Variants in ESRRG observed in about 807,000 individuals in gnomAD.
The protein encoded by ESRRG is estrogen-related receptor gamma.
ESRRG carries 13 observed loss-of-function variants against 44.0 expected under a neutral mutation model. The ratio of observed to expected loss-of-function variants is 0.30; its 90% confidence interval spans 0.19 to 0.47. ESRRG has a LOEUF of 0.47. Ranked by LOEUF, ESRRG falls within the 20% of genes least tolerant of loss-of-function variation. The probability of loss-of-function intolerance (pLI) is 1.00; values close to 1 mark genes in which losing one functional copy is unlikely to be tolerated. For synonymous variants in ESRRG, 215 were observed against 214.6 expected (o/e 1.00, Z -0.02); for missense variants, 395 against 580.6 (o/e 0.68, Z 3.29).
rs371706461 is a variant in ESRRG at position 216,554,080 on chromosome 1, G to C, written c.862+10139C>G. Reference sequence around the variant, plus strand: ...GAGGTTATTTATGATGGCTGAATTGGGGAGGAAGCAGCAGGATTTTAGTGA... The same window carrying C: ...GAGGTTATTTATGATGGCTGAATTGCGGAGGAAGCAGCAGGATTTTAGTGA... On this transcript the variant is annotated intron_variant, in intron 5 of 6. Coordinates refer to ENST00000408911, the MANE Select transcript of ESRRG (RefSeq NM_001438.4). 5.3e-5 allele frequency among the ~76,000 whole-genome samples: 8 copies of C among 152,102 alleles called. No homozygotes were observed. In the East Asian group the frequency reaches 1.6e-3, roughly 29 times the overall value.
chr1:216,878,951 C>T (rs1455892461), intron 2 of ESRRG, among the ~76,000 whole-genome samples: 1 of 151,974 alleles, frequency 6.6e-6, no homozygotes, highest in Non-Finnish European at 1.5e-5. Flanking sequence ...ACAAAATAGG[C>T]CAAATAATAC....
intron 2 of ESRRG, among the ~76,000 whole-genome samples, chr1:216,819,902 A>G (rs1019679104): frequency 3.3e-5 from 5 of 152,228 alleles, no homozygotes; most frequent in African/African-American, 9.6e-5. Context: ...TTTACAGGGT[A>G]TGGAGCAGAC....
intron 2 of ESRRG, among the ~76,000 whole-genome samples, chr1:216,792,478 A>G (rs2094349030): frequency 6.6e-6 from 1 of 152,182 alleles, no homozygotes; most frequent in African/African-American, 2.4e-5. Context: ...ATTGCTTCAA[A>G]AACAACTATT....
chr1:217,036,669 G>A (rs550360208), intron 1 of ESRRG, among the ~76,000 whole-genome samples: 1 of 152,226 alleles, frequency 6.6e-6, no homozygotes, highest in South Asian at 2.1e-4. Context: ...ATTGGAGGGT[G>A]GAGGTTGGGA....
chr1:217,119,671 C>T (rs1267200157), intron 1 of ESRRG, among the ~76,000 whole-genome samples: 1 of 152,116 alleles, frequency 6.6e-6, no homozygotes, highest in Non-Finnish European at 1.5e-5. Flanking sequence ...GAGAGAACAT[C>T]CTTTGAGTAA....
At chr1:216,594,968 G>A (rs2058222645) in intron 3 of ESRRG, among the ~76,000 whole-genome samples, 1 of 152,170 alleles carries the variant, frequency 6.6e-6, no homozygotes, top group Non-Finnish European at 1.5e-5. Flanking sequence ...CATATCACAA[G>A]AGGCAACCAC....
At chr1:216,976,829 A>C (rs992229775) in intron 1 of ESRRG, among the ~76,000 whole-genome samples, 4 of 152,162 alleles carry the variant, frequency 2.6e-5, no homozygotes, top group African/African-American at 4.8e-5. Context: ...AGAAGGAAAA[A>C]CAAAGAGAGA....
chr1:217,041,293 T>G (rs1262561466), intron 1 of ESRRG, among the ~76,000 whole-genome samples: 1 of 152,178 alleles, frequency 6.6e-6, no homozygotes, highest in Non-Finnish European at 1.5e-5. Context: ...AAAGCCCTTT[T>G]TCCTCATCTA....
At chr1:216,708,198 GA>G (rs567356484) in intron 1 of ESRRG, among the ~76,000 whole-genome samples, 4 of 149,154 alleles carry the variant, frequency 2.7e-5, no homozygotes, top group Non-Finnish European at 4.5e-5. Flanking sequence ...CAAAGTCTCA[GA>G]AAAAAAAGCC....
At chr1:216,844,897 G>A (rs946056214) in intron 2 of ESRRG, among the ~76,000 whole-genome samples, 1 of 152,124 alleles carries the variant, frequency 6.6e-6, no homozygotes, top group Non-Finnish European at 1.5e-5. Context: ...CAAGTAACCA[G>A]AATAGTACCT....
chr1:216,534,466 T>C (rs1478438632), intron 5 of ESRRG, among the ~76,000 whole-genome samples: 1 of 152,162 alleles, frequency 6.6e-6, no homozygotes, highest in Non-Finnish European at 1.5e-5. Flanking sequence ...AATTCGATTA[T>C]AGCTCATGAG....
At chr1:216,970,117 C>A (rs1192534170) in intron 1 of ESRRG, among the ~76,000 whole-genome samples, 1 of 152,086 alleles carries the variant, frequency 6.6e-6, no homozygotes, top group Non-Finnish European at 1.5e-5. Flanking sequence ...TCACCAGAGT[C>A]AAGTTCAAGT....
At chr1:216,708,419 A>G (rs1417095457) in intron 1 of ESRRG, among the ~76,000 whole-genome samples, 1 of 152,232 alleles carries the variant, frequency 6.6e-6, no homozygotes, top group Non-Finnish European at 1.5e-5. Context: ...GATCCACCTT[A>G]TATAAATGTC....
chr1:216,628,344 T>A (rs1307933475), intron 3 of ESRRG, among the ~76,000 whole-genome samples: 4 of 152,174 alleles, frequency 2.6e-5, no homozygotes, highest in Non-Finnish European at 4.4e-5. Flanking sequence ...AGACTTGCAC[T>A]CCTGGGCTCA....
At chr1:216,944,619 C>T (rs547739937) in intron 1 of ESRRG, among the ~76,000 whole-genome samples, 4 of 152,014 alleles carry the variant, frequency 2.6e-5, no homozygotes, top group African/African-American at 9.7e-5. Context: ...GTAATGCACT[C>T]CAAAGCCTTC....
At chr1:217,045,271 C>T (rs909021118) in intron 1 of ESRRG, among the ~76,000 whole-genome samples, 1 of 152,052 alleles carries the variant, frequency 6.6e-6, no homozygotes, top group Non-Finnish European at 1.5e-5. Context: ...AAAAAATTAA[C>T]CCTTGCGGGA....
At chr1:217,017,486 A>AC (rs1346391462) in intron 1 of ESRRG, among the ~76,000 whole-genome samples, 1 of 144,950 alleles carries the variant, frequency 6.9e-6, no homozygotes, top group Admixed American at 7.1e-5. Context: ...CTCAAAAAAA[A>AC]AAAAAAAAAA....
At chr1:216,579,416 A>T (rs2062305224) in intron 3 of ESRRG, among the ~76,000 whole-genome samples, 1 of 152,174 alleles carries the variant, frequency 6.6e-6, no homozygotes, top group South Asian at 2.1e-4. Context: ...CAAAGAAATT[A>T]ACAGTTGGGA....
chr1:216,545,637 G>T (rs1327703864), intron 5 of ESRRG, among the ~76,000 whole-genome samples: 1 of 151,940 alleles, frequency 6.6e-6, no homozygotes, highest in Non-Finnish European at 1.5e-5. Flanking sequence ...ATTGTTTGAT[G>T]AATACACACA....
Sources: allele counts gnomAD v4.1 joint callset (sites outside exome capture counted in the v4.1 genomes callset), GRCh38; gene constraint gnomAD v4.1.1; transcripts MANE v1.5; gene names NCBI Gene and HGNC (gene_info 2026-07-23, HGNC 2026-07-21).